The following LRMDA variants were observed in gnomAD, a reference collection of about 807,000 sequenced individuals.
The protein encoded by LRMDA is leucine-rich melanocyte differentiation-associated protein.
A neutral mutation model predicts 29.8 loss-of-function variants in LRMDA; 18 were observed. The ratio of observed to expected loss-of-function variants is 0.60; its 90% confidence interval spans 0.42 to 0.90. LRMDA has a LOEUF of 0.90. Ranked by LOEUF, LRMDA falls within the 40% of genes least tolerant of loss-of-function variation. LRMDA has a pLI of 0.00. For missense variants in LRMDA, 273 were observed against 273.9 expected (o/e 1.00, Z 0.02); for synonymous variants, 125 against 109.4 (o/e 1.14, Z -0.89).
At chr10:75,751,207 C>A (rs1187069263) in intron 2 of LRMDA, among the ~76,000 whole-genome samples, 1 of 152,006 alleles carries the variant, frequency 6.6e-6, no homozygotes, top group Non-Finnish European at 1.5e-5. Flanking sequence ...CCCAGGCACT[C>A]GGCAGGCTGA....
intron 2 of LRMDA, among the ~76,000 whole-genome samples, chr10:75,723,031 A>G (rs1215340378): frequency 6.6e-6 from 1 of 152,236 alleles, no homozygotes; most frequent in South Asian, 2.1e-4. Context: ...TTAGTCTTCT[A>G]TTGAAGGTGT....
chr10:75,757,599 T>C (rs187551810), intron 2 of LRMDA, among the ~76,000 whole-genome samples: 6 of 152,198 alleles, frequency 3.9e-5, no homozygotes, highest in Non-Finnish European at 7.4e-5. Context: ...CACTTTTCCG[T>C]CTTTTAAAAA....
At chr10:75,947,675 T>C (rs1199414025) in intron 2 of LRMDA, among the ~76,000 whole-genome samples, 1 of 152,248 alleles carries the variant, frequency 6.6e-6, no homozygotes, top group African/African-American at 2.4e-5. Context: ...TTCTTCATGA[T>C]TTGTGAAAGT....
intron 6 of LRMDA, among the ~76,000 whole-genome samples, chr10:76,425,335 A>G (rs1484963107): frequency 6.6e-6 from 1 of 152,076 alleles, no homozygotes; most frequent in Non-Finnish European, 1.5e-5. Flanking sequence ...GAGAATTTAG[A>G]CAACCTTAAT....
At chr10:75,470,055 T>C (rs1261170829) in intron 2 of LRMDA, among the ~76,000 whole-genome samples, 1 of 152,236 alleles carries the variant, frequency 6.6e-6, no homozygotes. Context: ...TTCCCTCTTT[T>C]CCTCAAGACT....
At chr10:75,730,644 G>A (rs936994319) in intron 2 of LRMDA, among the ~76,000 whole-genome samples, 2 of 152,082 alleles carry the variant, frequency 1.3e-5, no homozygotes, top group Non-Finnish European at 2.9e-5. Context: ...GCCTGGCCTG[G>A]GTTGCTCTTC....
At chr10:76,036,639 G>A (rs543154612) in intron 3 of LRMDA, among the ~76,000 whole-genome samples, 1 of 152,318 alleles carries the variant, frequency 6.6e-6, no homozygotes, top group African/African-American at 2.4e-5. Context: ...GCAGAGACAT[G>A]TGAAGCCCAG....
chr10:75,568,588 T>TC (rs1188071442), intron 2 of LRMDA, among the ~76,000 whole-genome samples: 2 of 152,180 alleles, frequency 1.3e-5, no homozygotes, highest in Non-Finnish European at 2.9e-5. Context: ...GGCTGCCTCT[T>TC]CTACTAACTA....
At chr10:76,209,501 A>C (rs1851597956) in intron 5 of LRMDA, among the ~76,000 whole-genome samples, 1 of 152,180 alleles carries the variant, frequency 6.6e-6, no homozygotes, top group African/African-American at 2.4e-5. Flanking sequence ...TACGTGATCC[A>C]TGGCTCCTGT....
In LRMDA at chr10:75,558,815, AATG is replaced by A. The variant is rs1840251921; in HGVS notation, c.131+120327_131+120329del. Among the ~76,000 whole-genome samples, 3 of 145,446 alleles carry A rather than the reference AATG, an allele frequency of 2.1e-5. No homozygotes were observed. In the South Asian group the frequency reaches 7.3e-4, roughly 36 times the overall value. On this transcript the variant is annotated intron_variant, in intron 2 of 6. Transcript: ENST00000611255. Reference sequence around the variant, plus strand: ...TTTATCCTTGCGATAGTTTACTGAGAATGATGATTTCCAATTTCATCCATGTCC... The same window carrying A: ...TTTATCCTTGCGATAGTTTACTGAGAATGATTTCCAATTTCATCCATGTCC...
intron 2 of LRMDA, among the ~76,000 whole-genome samples, chr10:76,007,031 T>TGTGTGTGTGTGTGCGC (rs1230411095): frequency 3.7e-5 from 1 of 26,906 alleles, no homozygotes; most frequent in East Asian, 7.8e-4. Context: ...TGTGTGTGTG[T>TGTGTGTGTGTGTGCGC]GCGCGTGTGT....
intron 2 of LRMDA, among the ~76,000 whole-genome samples, chr10:76,035,661 A>G (rs570888653): frequency 6.6e-6 from 1 of 152,288 alleles, no homozygotes; most frequent in South Asian, 2.1e-4. Flanking sequence ...TTGGGAATGG[A>G]GGTTAGGGTC....
chr10:75,468,415 A>G (rs1844685161), intron 2 of LRMDA, among the ~76,000 whole-genome samples: 1 of 152,134 alleles, frequency 6.6e-6, no homozygotes, highest in African/African-American at 2.4e-5. Context: ...GGGCAGCTAT[A>G]GTATCTAATC....
At chr10:75,692,901 A>G (rs1842189398) in intron 2 of LRMDA, among the ~76,000 whole-genome samples, 1 of 152,076 alleles carries the variant, frequency 6.6e-6, no homozygotes. Flanking sequence ...GTGATGCATG[A>G]TTTTATGGCT....
At chr10:76,421,924 A>AAG (rs1842075572) in intron 6 of LRMDA, among the ~76,000 whole-genome samples, 1 of 152,202 alleles carries the variant, frequency 6.6e-6, no homozygotes, top group Non-Finnish European at 1.5e-5. Context: ...ATATTCCTTC[A>AAG]GAGAAGACAT....
At chr10:76,024,378 A>G (rs531401911) in intron 2 of LRMDA, among the ~76,000 whole-genome samples, 45 of 152,268 alleles carry the variant, frequency 3.0e-4, no homozygotes, top group Non-Finnish European at 4.9e-4. Flanking sequence ...CCATGAGAGG[A>G]TCTGGAAAGC....
intron 5 of LRMDA, among the ~76,000 whole-genome samples, chr10:76,227,460 C>G (rs1191871318): frequency 1.3e-5 from 2 of 152,214 alleles, no homozygotes; most frequent in Non-Finnish European, 2.9e-5. Context: ...TACCTACCAA[C>G]TGTAATTTTT....
intron 5 of LRMDA, among the ~76,000 whole-genome samples, chr10:76,214,830 A>G (rs1221993531): frequency 6.6e-6 from 1 of 152,204 alleles, no homozygotes; most frequent in East Asian, 1.9e-4. Context: ...GGCACTCACA[A>G]TGTGGCAGGA....
chr10:76,003,125 T>G (rs569416182), intron 2 of LRMDA, among the ~76,000 whole-genome samples: 1 of 152,268 alleles, frequency 6.6e-6, no homozygotes, highest in East Asian at 1.9e-4. Context: ...AAGGAACAAA[T>G]GCCCAGCATT....
Sources: allele counts gnomAD v4.1 joint callset (sites outside exome capture counted in the v4.1 genomes callset), GRCh38; gene constraint gnomAD v4.1.1; transcripts MANE v1.5; gene names NCBI Gene and HGNC (gene_info 2026-07-23, HGNC 2026-07-21).